Variants in ARHGEF15 observed in about 807,000 individuals in gnomAD.
ARHGEF15 encodes Rho guanine nucleotide exchange factor (GEF) 15.
In ARHGEF15, 58 loss-of-function variants were observed where a neutral mutation model predicts 79.7. The ratio of observed to expected loss-of-function variants is 0.73; its 90% CI spans 0.59 to 0.91. The LOEUF (loss-of-function observed/expected upper bound fraction) is 0.91, where lower values mean the gene tolerates loss of function less well. Among genes scored for constraint, ARHGEF15 ranks in the 40% least tolerant of loss-of-function variants. ARHGEF15 has a pLI of 0.00. For missense variants in ARHGEF15, 1,012 were observed against 1,108.1 expected (o/e 0.91, Z 1.23); for synonymous variants, 442 against 456.0 (o/e 0.97, Z 0.39).
rs375903732 is a variant in ARHGEF15, at chr17:8,315,931, G to T, written c.1574+24G>T. The stretch of plus-strand genomic sequence containing the variant: ...ATGTGAGTGTCCCAGGGGTGGGGAG[G>T]AAGCTGGGGAGAGGGATGGGACCGA... On this transcript the variant is annotated intron_variant, in intron 8 of 15. Coordinates refer to ENST00000361926, the MANE Select transcript of ARHGEF15 (RefSeq NM_173728.4). This position sits in a 1 kb window ranked among gnomAD's most constrained non-coding sequence, Gnocchi z 4.3. The T allele has an allele frequency of 6.2e-7, 1 of 1,605,528 alleles. No homozygotes were observed. The highest frequency in any genetic ancestry group is 1.7e-5 in the Admixed American group (1 of 59,974).
chr17:8,314,745 A>G (rs1567676027), intron 4 of ARHGEF15, 161 bp from the exon 5 acceptor site: 3 of 365,406 alleles, frequency 8.2e-6, no homozygotes, highest in Non-Finnish European at 1.3e-5. Flanking sequence ...TCCCCTTCAA[A>G]AAAAAAAAAA....
In ARHGEF15 at chr17:8,318,931, G is replaced by A. The variant is rs754005578; in HGVS notation, c.2033+21G>A. ...AAGAGGTGAGTCCTAGGGAAGGAAG[G>A]AGCCCAGGCTGGAGTGGGCAGGAGG... On this transcript the variant is annotated intron_variant, in intron 12 of 15. Transcript: ENST00000361926. This position sits in a 1 kb window ranked among gnomAD's most constrained non-coding sequence, Gnocchi z 5.0. 29 of 1,609,980 alleles carry A rather than the reference G, an allele frequency of 1.8e-5. No homozygotes were observed. The highest frequency in any genetic ancestry group is 2.5e-5 in the Non-Finnish European group (29 of 1,178,876).
intron 4 of ARHGEF15, among the ~76,000 whole-genome samples, chr17:8,314,673 G>T (rs1364723393): frequency 6.7e-6 from 1 of 148,522 alleles, no homozygotes; most frequent in African/African-American, 2.5e-5. Flanking sequence ...GGCCAAGGTG[G>T]CAGGATTGCT....
At chr17:8,319,229 C>A (rs1359587104) in intron 13 of ARHGEF15, 70 bp downstream of exon 13, 2 of 1,606,040 alleles carry the variant, frequency 1.2e-6, no homozygotes, top group South Asian at 1.1e-5. Flanking sequence ...CCCCACTTCC[C>A]CAGTCTCTCT....
chr17:8,312,740 G>A, intron 2 of ARHGEF15, 100 bp downstream of exon 2: 4 of 1,599,136 alleles, frequency 2.5e-6, no homozygotes, highest in Non-Finnish European at 2.5e-6. Context: ...CAAAAATGGA[G>A]TTAATGTTTG....
Position 8,318,599 on chromosome 17 carries a change from G to A in ARHGEF15, c.1809G>A (p.Gly603=), listed in dbSNP as rs116091376. ...KIIERCSAEV[G]RMKQTEELIR... ...TCGAGCGTTGCAGCGCTGAGGTGGG[G>A]CGCATGAAGCAGACTGAAGAGCTGA... Residue 603 remains glycine, a synonymous_variant, in exon 11 of 16, where the codon GGG becomes GGA. Coordinates refer to ENST00000361926, the MANE Select transcript of ARHGEF15 (RefSeq NM_173728.4). This position sits in a 1 kb window ranked among gnomAD's most constrained non-coding sequence, Gnocchi z 5.0. 6.2e-7 allele frequency: 1 copy of A among 1,613,896 alleles called. No individual in the cohort carries two copies. The highest frequency in any genetic ancestry group is 8.5e-7 in the Non-Finnish European group (1 of 1,179,822).
Position 8,313,224 on chromosome 17 carries a change from G to C in ARHGEF15, c.904G>C (p.Asp302His). The change falls in exon 3 of 16, where the codon GAT (aspartate) becomes CAT (histidine). Residue 302 changes from aspartate to histidine, a missense_variant. Transcript: ENST00000361926. ...IFGDPPQPDL[D>H]LLSEDGIQTG... ...CGGGGACCCCCCACAGCCAGATCTT[G>C]ATCTGCTTTCTGAAGATGGAATCCA... is the stretch of plus-strand genomic sequence containing the variant. 6.2e-7 allele frequency: 1 copy of C among 1,605,946 alleles called. No homozygotes were observed. Among genetic ancestry groups the C allele is most frequent in the Non-Finnish European group, 8.5e-7 (1 of 1,179,982 alleles).
Position 8,315,156 on chromosome 17 carries a change from G to C in ARHGEF15, c.1139G>C (p.Gly380Ala). ...GGGAGTCCTTCTCCAGCAAATGCTG[G>C]AGATGCACCCACCTTCCCACGACCC... ...EDGSPSPANA[G>A]DAPTFPRPPG... Residue 380 changes from glycine to alanine, a missense_variant, in exon 6 of 16, where the codon GGA (glycine) becomes GCA (alanine). This residue lies in a region of ARHGEF15 where 818 missense variants were observed against 882.5 expected (regional missense o/e 0.93). Coordinates refer to ENST00000361926, the MANE Select transcript of ARHGEF15 (RefSeq NM_173728.4). This position sits in a 1 kb window ranked among gnomAD's most constrained non-coding sequence, Gnocchi z 4.3. The C allele has an allele frequency of 1.9e-6, 3 of 1,614,098 alleles. No individual in the cohort carries two copies. The East Asian group carries it at 6.7e-5, about 36-fold the overall frequency.
chr17:8,316,480 T>C (rs1037908042), intron 9 of ARHGEF15, among the ~76,000 whole-genome samples: 1 of 151,740 alleles, frequency 6.6e-6, no homozygotes. Context: ...TCAGGGGGAG[T>C]GTGTGAGCGG....
Position 8,318,212 on chromosome 17 carries a change from A to G in ARHGEF15, c.1705-175A>G. On this transcript the variant is annotated intron_variant, in intron 9 of 15. Transcript: ENST00000361926. This position sits in a 1 kb window ranked among gnomAD's most constrained non-coding sequence, Gnocchi z 5.0. Reference sequence around the variant, plus strand: ...ATTAGCCCCATTTTACAGATAGGGAAGCTGAGGCTCAGAGAGGTAACAGGA... The same window carrying G: ...ATTAGCCCCATTTTACAGATAGGGAGGCTGAGGCTCAGAGAGGTAACAGGA... The G allele has an allele frequency of 1.6e-6, 1 of 642,730 alleles. No individual in the cohort carries two copies. The highest frequency in any genetic ancestry group is 2.8e-6 in the Non-Finnish European group (1 of 358,760). 39.8% of individuals were successfully genotyped at this position (642,730 alleles called of 1,614,324 possible).
chr17:8,315,767 G>C lies in ARHGEF15; in HGVS notation c.1434G>C (p.Thr478=). The part of the protein sequence containing the change: ...VQGVSERFLA[T]LLSRVRSSPH... ...CCAATTCCTTCAGGTTTCTAGCAAC[G>C]CTCCTGTCCCGTGTGCGCTCTTCCC... The change falls in exon 8 of 16, where the codon ACG becomes ACC. Residue 478 remains threonine, a synonymous_variant. Transcript: ENST00000361926. This position sits in a 1 kb window ranked among gnomAD's most constrained non-coding sequence, Gnocchi z 4.3. 1 of 1,612,108 alleles carries C rather than the reference G, an allele frequency of 6.2e-7. No homozygotes were observed. Among genetic ancestry groups the C allele is most frequent in the Non-Finnish European group, 8.5e-7 (1 of 1,179,368 alleles).
chr17:8,320,936 G>T lies in ARHGEF15; in HGVS notation c.2469G>T (p.Gln823His). 6.2e-7 allele frequency: 1 copy of T among 1,614,028 alleles called. No individual in the cohort carries two copies. The highest frequency in any genetic ancestry group is 1.1e-5 in the South Asian group (1 of 91,078). ...GGAGGAGGCACCTTCGCCAGAACCA[G>T]AGGCTTCTCGAGGCTGTTGGATCTT... ...HERRRHLRQN[Q>H]RLLEAVGSSS... Residue 823 changes from glutamine (Q) to histidine (H), a missense_variant, in exon 16 of 16, where the codon CAG becomes CAT. Transcript: ENST00000361926.
chr17:8,311,842 C>T (rs538635757), intron 1 of ARHGEF15, 149 bp from the exon 2 acceptor site: 30 of 492,126 alleles, frequency 6.1e-5, no homozygotes, highest in South Asian at 6.2e-5. Flanking sequence ...AGACACGGAG[C>T]GGCTGTATCC....
chr17:8,311,571 G>A (rs896425123), intron 1 of ARHGEF15, among the ~76,000 whole-genome samples: 3 of 151,720 alleles, frequency 2.0e-5, no homozygotes, highest in African/African-American at 7.3e-5. Flanking sequence ...GCCCAGGCCC[G>A]GCGGACAGGC....
rs57014181 is a variant in ARHGEF15 at position 8,314,791 on chromosome 17, AG to A, written c.990-112del. On this transcript the variant is annotated intron_variant, in intron 4 of 15. Coordinates refer to ENST00000361926, the MANE Select transcript of ARHGEF15 (RefSeq NM_173728.4). ...CTGAGGTTTGATTTGGGGAGCCGTC[AG>A]GGTCCCTACATCCAACCTGCACATG... 1.0e-4 allele frequency: 102 copies of A among 989,762 alleles called. No homozygotes were observed. In the African/African-American group the frequency reaches 1.4e-3, roughly 13 times the overall value. The allele number at this position is 989,762 out of a possible 1,614,324, so 61.3% of individuals were successfully genotyped here.
At position 8,313,162 on chromosome 17, in the gene ARHGEF15, C is replaced by T; in HGVS notation, c.842C>T (p.Pro281Leu). ...AAACTCCTGCCACTCCTCAAGCCTCCCAAACCAACTCGTGTCAGGCAGGAT... is the reference window on the plus strand; with the variant it reads ...AAACTCCTGCCACTCCTCAAGCCTCTCAAACCAACTCGTGTCAGGCAGGAT... ...ERKLLPLLKP[P>L]KPTRVRQDAT... The change falls in exon 3 of 16, where the codon CCC becomes CTC. Residue 281 changes from proline (P) to leucine (L), a missense_variant. Transcript: ENST00000361926. 1.2e-6 allele frequency: 2 copies of T among 1,612,424 alleles called. No homozygotes were observed. The highest frequency in any genetic ancestry group is 1.3e-5 in the African/African-American group (1 of 75,050).
chr17:8,314,742 CAAA>C (rs77491661), intron 4 of ARHGEF15, 161 bp from the exon 5 acceptor site: 12,534 of 296,044 alleles, frequency 0.042, no homozygotes, highest in Middle Eastern at 0.058. Context: ...CTTTCCCCTT[CAAA>C]AAAAAAAAAA....
At chr17:8,310,588 T>C (rs1282248305) in intron 1 of ARHGEF15, among the ~76,000 whole-genome samples, 1 of 152,022 alleles carries the variant, frequency 6.6e-6, no homozygotes, top group Non-Finnish European at 1.5e-5. Flanking sequence ...TCCCTACCCC[T>C]GTCCACCTCA....
At position 8,311,280 on chromosome 17, in the gene ARHGEF15, G is replaced by A. The variant is rs902137245; in HGVS notation, c.-49-711G>A. Among the ~76,000 whole-genome samples, 3 of 152,034 alleles carry A rather than the reference G, an allele frequency of 2.0e-5. 1 individual carries two copies. The highest frequency in any genetic ancestry group is 2.0e-4 in the Admixed American group (3 of 15,256). On this transcript the variant is annotated intron_variant, in intron 1 of 15. Transcript: ENST00000361926. ...CTGGCCCGACTGGTCCTGTCCTTCG[G>A]TTCATTCTCCCAGCCACCTCCCCAG...
Sources: allele counts gnomAD v4.1 joint callset (sites outside exome capture counted in the v4.1 genomes callset), GRCh38; gene constraint gnomAD v4.1.1; regional missense constraint gnomAD v4.1.1; non-coding constraint Gnocchi (gnomAD v3.1); transcripts MANE v1.5; gene names NCBI Gene and HGNC (gene_info 2026-07-23, HGNC 2026-07-21).